Variants in CTTNBP2 observed in about 807,000 individuals in gnomAD.
CTTNBP2 encodes the protein cortactin binding protein 2, also known as cortactin-binding protein 2.
Under a neutral mutation model 156.9 loss-of-function variants are expected in CTTNBP2, and 108 were observed. The observed-to-expected ratio is 0.69, with a 90% CI of 0.59 to 0.81. The LOEUF is 0.81. CTTNBP2 is among the 30% of genes least tolerant of loss of function. CTTNBP2 has a pLI of 0.00. For synonymous variants in CTTNBP2, 767 were observed against 751.8 expected (o/e 1.02, Z -0.33); for missense variants, 1,924 against 2,035.4 (o/e 0.95, Z 1.05).
chr7:117,846,258 T>C (rs17140446), intron 2 of CTTNBP2, among the ~76,000 whole-genome samples: 54,062 of 151,980 alleles, frequency 0.36, 10,346 homozygotes, highest in East Asian at 0.56. Flanking sequence ...TGTGAAATAC[T>C]GTATAGTCAA....
intron 17 of CTTNBP2, among the ~76,000 whole-genome samples, chr7:117,726,537 C>A (rs947473872): frequency 1.3e-5 from 2 of 152,182 alleles, no homozygotes; most frequent in South Asian, 2.1e-4. Flanking sequence ...CAATTCTCTG[C>A]AGCATTTCTG....
intron 1 of CTTNBP2, among the ~76,000 whole-genome samples, chr7:117,871,137 T>C (rs1005697499): frequency 2.6e-5 from 4 of 152,152 alleles, no homozygotes; most frequent in African/African-American, 9.7e-5. Flanking sequence ...AATTGTTCAC[T>C]AAAATAAAAA....
chr7:117,867,778 C>T (rs968984467), intron 1 of CTTNBP2, among the ~76,000 whole-genome samples: 37 of 152,238 alleles, frequency 2.4e-4, no homozygotes, highest in Admixed American at 7.2e-4. Context: ...ACATATAGTA[C>T]GAGAACATGA....
chr7:117,738,001 G>T (rs1442148195), intron 14 of CTTNBP2, among the ~76,000 whole-genome samples: 1 of 152,216 alleles, frequency 6.6e-6, no homozygotes. Context: ...TCATCATGGT[G>T]AGCTAAAAGC....
At chr7:117,798,827 A>G (rs959935746) in intron 3 of CTTNBP2, among the ~76,000 whole-genome samples, 11 of 152,112 alleles carry the variant, frequency 7.2e-5, no homozygotes, top group Non-Finnish European at 1.3e-4. Flanking sequence ...AGAAAACCAG[A>G]TTTAGAAATA....
chr7:117,867,306 A>G (rs979224066), intron 1 of CTTNBP2, among the ~76,000 whole-genome samples: 2 of 152,166 alleles, frequency 1.3e-5, no homozygotes, highest in African/African-American at 4.8e-5. Context: ...TCTTCAGCAC[A>G]TAGCTCAAAC....
chr7:117,838,961 C>T (rs888127478), intron 2 of CTTNBP2, among the ~76,000 whole-genome samples: 5 of 42,064 alleles, frequency 1.2e-4, no homozygotes, highest in Non-Finnish European at 2.0e-4. Context: ...AGTAACATTG[C>T]GGGGGCGGGG....
chr7:117,870,915 A>G (rs1804551384), intron 1 of CTTNBP2, among the ~76,000 whole-genome samples: 1 of 152,248 alleles, frequency 6.6e-6, no homozygotes, highest in African/African-American at 2.4e-5. Context: ...AATTTAAAAC[A>G]TTCCACTAAA....
At chr7:117,746,239 A>G (rs1348942479) in intron 12 of CTTNBP2, 140 bp from the exon 13 acceptor site, 1 of 632,352 alleles carries the variant, frequency 1.6e-6, no homozygotes, top group Non-Finnish European at 2.8e-6. Flanking sequence ...GATTAGCTTT[A>G]TCATTGGACA....
chr7:117,868,644 C>G (rs1245230045), intron 1 of CTTNBP2, among the ~76,000 whole-genome samples: 2 of 152,178 alleles, frequency 1.3e-5, no homozygotes, highest in African/African-American at 4.8e-5. Flanking sequence ...TCTCTCGTAC[C>G]TGTCCTCTGA....
chr7:117,797,596 C>CA (rs892145170), intron 3 of CTTNBP2, among the ~76,000 whole-genome samples: 9 of 151,884 alleles, frequency 5.9e-5, no homozygotes, highest in African/African-American at 2.2e-4. Flanking sequence ...GGCATACAAA[C>CA]AAAAACTATA....
chr7:117,765,845 T>C lies in CTTNBP2; in HGVS notation c.2896+1214A>G, dbSNP rs144185317. On this transcript the variant is annotated intron_variant, in intron 9 of 22. Transcript: ENST00000160373. ...ACATTATGCACTATCAACAATCTCATTGGCTTATCTTTGACTGCCAATGTA... is the reference window on the plus strand; with the variant it reads ...ACATTATGCACTATCAACAATCTCACTGGCTTATCTTTGACTGCCAATGTA... 3.2e-3 allele frequency among the ~76,000 whole-genome samples: 482 copies of C among 152,292 alleles called. 5 individuals carry two copies. Among genetic ancestry groups the C allele is most frequent in the South Asian group, 0.028 (135 of 4,826 alleles).
intron 16 of CTTNBP2, 42 bp downstream of exon 16, chr7:117,734,871 C>A: frequency 4.7e-6 from 7 of 1,493,826 alleles, no homozygotes; most frequent in East Asian, 2.3e-5. Flanking sequence ...ACAACAAAAA[C>A]CCCTGCTCTC....
At chr7:117,858,286 C>T (rs562023703) in intron 2 of CTTNBP2, among the ~76,000 whole-genome samples, 51 of 152,252 alleles carry the variant, frequency 3.3e-4, no homozygotes, top group African/African-American at 1.1e-3. Flanking sequence ...AGAAGAATGG[C>T]GTGAACCCGG....
intron 19 of CTTNBP2, 130 bp from the exon 20 acceptor site, chr7:117,721,260 G>A (rs778363641): frequency 4.6e-6 from 3 of 650,366 alleles, no homozygotes; most frequent in Non-Finnish European, 8.0e-6. Flanking sequence ...CAGGATTTGA[G>A]GAGATTTTCC....
intron 8 of CTTNBP2, among the ~76,000 whole-genome samples, chr7:117,774,059 G>A (rs982120585): frequency 6.6e-6 from 1 of 152,178 alleles, no homozygotes; most frequent in Non-Finnish European, 1.5e-5. Flanking sequence ...ATGGTTTCAT[G>A]ACAGAACAGG....
intron 2 of CTTNBP2, among the ~76,000 whole-genome samples, chr7:117,814,200 A>G (rs1232797871): frequency 1.3e-5 from 2 of 151,912 alleles, no homozygotes; most frequent in Non-Finnish European, 2.9e-5. Flanking sequence ...TCACAGACCT[A>G]GTTCCAGTTT....
rs138477043 is a variant in CTTNBP2, at chr7:117,856,866, G to A, written c.189+4343C>T. Among the ~76,000 whole-genome samples the A allele has an allele frequency of 3.9e-3, 590 of 152,160 alleles. 3 individuals carry two copies. The highest frequency in any genetic ancestry group is 0.013 in the African/African-American group (530 of 41,496). ...ATTTTATGATTATAGCATTTTCATCGTCTTGACTTTGTCTCTCTTTGACTA... is the reference window on the plus strand; with the variant it reads ...ATTTTATGATTATAGCATTTTCATCATCTTGACTTTGTCTCTCTTTGACTA... On this transcript the variant is annotated intron_variant, in intron 2 of 22. Transcript: ENST00000160373.
chr7:117,865,241 C>T (rs184135883), intron 1 of CTTNBP2, among the ~76,000 whole-genome samples: 2 of 151,288 alleles, frequency 1.3e-5, no homozygotes, highest in South Asian at 2.1e-4. Flanking sequence ...ATCCCCAACG[C>T]CCCCCAGAAA....
Sources: gnomAD v4.1 joint callset for allele counts (sites outside exome capture counted in the v4.1 genomes callset) on GRCh38, gnomAD v4.1.1 for gene constraint, MANE v1.5 for transcripts, NCBI Gene and HGNC (gene_info 2026-07-23, HGNC 2026-07-21) for gene names.